Variants in LPL observed in about 807,000 individuals in gnomAD.
LPL encodes the protein lipoprotein lipase.
A neutral mutation model predicts 52.2 loss-of-function variants in LPL; 43 were observed. That is an observed-to-expected ratio of 0.82 (90% CI 0.64 to 1.06). LPL has a LOEUF of 1.06. LPL is among the 50% of genes least tolerant of loss of function. LPL has a pLI of 0.00. For missense variants in LPL, 639 were observed against 585.3 expected, an observed-to-expected ratio of 1.09 and a Z score of -0.95; for synonymous variants, 244 against 215.6, an observed-to-expected ratio of 1.13 and a Z score of -1.15.
intron 1 of LPL, among the ~76,000 whole-genome samples, chr8:19,940,940 CAAA>C: frequency 6.6e-6 from 1 of 151,574 alleles, no homozygotes; most frequent in Admixed American, 6.6e-5. Context: ...AAAAAAAATA[CAAA>C]AATTAGCCGG....
chr8:19,941,309 C>T (rs1047925641), intron 1 of LPL, among the ~76,000 whole-genome samples: 1 of 152,206 alleles, frequency 6.6e-6, no homozygotes, highest in Non-Finnish European at 1.5e-5. Context: ...ATTCTTATTT[C>T]AGAAAGCACA....
At chr8:19,963,884 T>C (rs1213468194) in intron 9 of LPL, among the ~76,000 whole-genome samples, 2 of 152,186 alleles carry the variant, frequency 1.3e-5, no homozygotes, top group Non-Finnish European at 2.9e-5. Flanking sequence ...TCATCACAAA[T>C]CTGAGGCAAT....
chr8:19,948,039 C>T, intron 1 of LPL, 141 bp from the exon 2 acceptor site: 1 of 802,954 alleles, frequency 1.2e-6, no homozygotes, highest in Non-Finnish European at 2.1e-6. Flanking sequence ...TGTTCTCTTG[C>T]AATCCACATT....
Position 19,954,279 on chromosome 8 carries a change from C to A in LPL, c.701C>A (p.Pro234Gln). The part of the protein sequence containing the change: ...QKPVGHVDIY[P>Q]NGGTFQPGCN... ...CCAGTTGGGCATGTTGACATTTACC[C>A]GAATGGAGGTACTTTTCAGCCAGGA... The change falls in exon 5 of 10, where the codon CCG becomes CAG. Residue 234 changes from proline (P) to glutamine (Q), a missense_variant. By Grantham distance (76) the Pro-to-Gln change is moderately conservative (BLOSUM62 -1). Coordinates refer to ENST00000650287, the MANE Select transcript of LPL (RefSeq NM_000237.3). 1 of 1,614,092 alleles carries A rather than the reference C, an allele frequency of 6.2e-7. No individual in the cohort carries two copies. The highest frequency in any genetic ancestry group is 8.5e-7 in the Non-Finnish European group (1 of 1,180,024).
At chr8:19,941,448 T>G (rs1190185967) in intron 1 of LPL, among the ~76,000 whole-genome samples, 1 of 152,210 alleles carries the variant, frequency 6.6e-6, no homozygotes, top group African/African-American at 2.4e-5. Context: ...TCTCTGGGTT[T>G]AGGTTCCTCA....
In LPL at chr8:19,950,618, G is replaced by A. The variant is rs1426112467; in HGVS notation, c.250-1151G>A. ...AGTTTGAGACCAACCTGGCCAACAT[G>A]GGGAAACCCAATCTCTACTAAAAAA... On this transcript the variant is annotated intron_variant, in intron 2 of 9. Transcript: ENST00000650287. This position sits in a 1 kb window ranked among gnomAD's most constrained non-coding sequence, Gnocchi z 4.2. Among the ~76,000 whole-genome samples the A allele has an allele frequency of 1.3e-5, 2 of 152,108 alleles. No individual in the cohort carries two copies. Among genetic ancestry groups the A allele is most frequent in the African/African-American group, 4.8e-5 (2 of 41,414 alleles).
rs2069919631 is a variant in LPL at position 19,950,052 on chromosome 8, C to T, written c.249+1712C>T. 6.6e-6 allele frequency among the ~76,000 whole-genome samples: 1 copy of T among 152,192 alleles called. No homozygotes were observed. Among genetic ancestry groups the T allele is most frequent in the African/African-American group, 2.4e-5 (1 of 41,448 alleles). On this transcript the variant is annotated intron_variant, in intron 2 of 9. Transcript: ENST00000650287. This position sits in a 1 kb window ranked among gnomAD's most constrained non-coding sequence, Gnocchi z 4.2. ...GGTCCTACTGCCTCACTAAGCCCAC[C>T]TGTATCTTTCACATCATGTGTCCTG...
At position 19,939,722 on chromosome 8, in the gene LPL, C is replaced by A. The variant is rs539069187; in HGVS notation, c.88+194C>A. Reference sequence around the variant, plus strand: ...GGCCGGGAGGGAATCTCCTCCCGATCGTGAAGCGGCGGCGCCCAGTTCCCG... The same window carrying A: ...GGCCGGGAGGGAATCTCCTCCCGATAGTGAAGCGGCGGCGCCCAGTTCCCG... On this transcript the variant is annotated intron_variant, in intron 1 of 9. Coordinates refer to ENST00000650287, the MANE Select transcript of LPL (RefSeq NM_000237.3). The surrounding 1 kb of genome is among the most constrained non-coding windows in gnomAD (Gnocchi z 4.0). 1.3e-3 allele frequency among the ~76,000 whole-genome samples: 197 copies of A among 152,318 alleles called. 2 individuals are homozygous for A. The highest frequency in any genetic ancestry group is 2.0e-3 in the Admixed American group (30 of 15,310).
In LPL at chr8:19,954,290, A is replaced by T; in HGVS notation, c.712A>T (p.Thr238Ser). ...GHVDIYPNGG[T>S]FQPGCNIGEA... The stretch of plus-strand genomic sequence containing the variant: ...TGTTGACATTTACCCGAATGGAGGT[A>T]CTTTTCAGCCAGGATGTAACATTGG... The change falls in exon 5 of 10, where the codon ACT (threonine) becomes TCT (serine). Residue 238 changes from threonine (T) to serine (S), a missense_variant. By Grantham distance (58) the Thr-to-Ser change is moderately conservative. Transcript: ENST00000650287. The T allele has an allele frequency of 9.9e-6, 16 of 1,614,212 alleles. No homozygotes were observed. The highest frequency in any genetic ancestry group is 7.7e-5 in the South Asian group (7 of 91,088).
intron 7 of LPL, among the ~76,000 whole-genome samples, chr8:19,960,084 C>T (rs2070024354): frequency 6.6e-6 from 1 of 151,926 alleles, no homozygotes; most frequent in Non-Finnish European, 1.5e-5. Flanking sequence ...CCACCATGCC[C>T]AGCCTACCCT....
rs1243131448 is a variant in LPL, at chr8:19,950,996, T to G, written c.250-773T>G. Among the ~76,000 whole-genome samples the G allele has an allele frequency of 6.6e-6, 1 of 151,666 alleles. No homozygotes were observed. The highest frequency in any genetic ancestry group is 2.4e-5 in the African/African-American group (1 of 41,118). On this transcript the variant is annotated intron_variant, in intron 2 of 9. Coordinates refer to ENST00000650287, the MANE Select transcript of LPL (RefSeq NM_000237.3). This position sits in a 1 kb window ranked among gnomAD's most constrained non-coding sequence, Gnocchi z 4.2. ...GAAACACTGGTAGTACAGAAAAACT[T>G]CTGATAGAGGCCTAGAGTAAACCCG...
At chr8:19,948,119 T>C in intron 1 of LPL, 61 bp from the exon 2 acceptor site, 3 of 1,547,004 alleles carry the variant, frequency 1.9e-6, no homozygotes, top group Non-Finnish European at 2.7e-6. Flanking sequence ...AAACATATCA[T>C]TCCAATGAAT....
chr8:19,961,110 A>T (rs1158629245), intron 8 of LPL, 27 bp downstream of exon 8: 1 of 1,606,414 alleles, frequency 6.2e-7, no homozygotes, highest in Non-Finnish European at 8.5e-7. Flanking sequence ...TTCTTCCTTC[A>T]CTTTAGACCC....
intron 6 of LPL, among the ~76,000 whole-genome samples, chr8:19,956,871 T>C (rs2069990670): frequency 6.6e-6 from 1 of 152,202 alleles, no homozygotes; most frequent in Non-Finnish European, 1.5e-5. Flanking sequence ...TCTCCTAGGC[T>C]GGAGGAGAGG....
At position 19,939,457 on chromosome 8, in the gene LPL, T is replaced by G. The variant is rs2069809872; in HGVS notation, c.17T>G (p.Leu6Arg). The G allele has an allele frequency of 1.2e-6, 2 of 1,610,286 alleles. No individual in the cohort carries two copies. The highest frequency in any genetic ancestry group is 2.2e-5 in the South Asian group (2 of 90,582). Residue 6 changes from leucine (L) to arginine (R), a missense_variant, in exon 1 of 10, where the codon CTG becomes CGG. By Grantham distance (102) the Leu-to-Arg change is moderately radical. Transcript: ENST00000650287. This position sits in a 1 kb window ranked among gnomAD's most constrained non-coding sequence, Gnocchi z 4.0. MESKA[L>R]LVLTLAVWLQ... ...CGCCCCGAGATGGAGAGCAAAGCCC[T>G]GCTCGTGCTGACTCTGGCCGTGTGG...
At chr8:19,956,168 T>C in intron 6 of LPL, 85 bp downstream of exon 6, 2 of 1,569,684 alleles carry the variant, frequency 1.3e-6, no homozygotes, top group South Asian at 1.1e-5. Context: ...ATTCTGTCCA[T>C]TGGAACAGAG....
In LPL at chr8:19,959,309, C is replaced by T. The variant is rs762600662; in HGVS notation, c.1068C>T (p.Thr356=). Residue 356 remains threonine, a synonymous_variant, in exon 7 of 10, where the codon ACC becomes ACT. Transcript: ENST00000650287. Reference sequence around the variant, plus strand: ...ATTTTTCTGGGACTGAGAGTGAAACCCATACCAATCAGGCCTTTGAGATTT... The same window carrying T: ...ATTTTTCTGGGACTGAGAGTGAAACTCATACCAATCAGGCCTTTGAGATTT... ...KIHFSGTESE[T]HTNQAFEISL... is the part of the protein sequence containing the mutation. The T allele has an allele frequency of 1.9e-6, 3 of 1,613,942 alleles. No individual in the cohort carries two copies. In the Admixed American group the frequency reaches 5.0e-5, roughly 27 times the overall value.
intron 1 of LPL, among the ~76,000 whole-genome samples, chr8:19,945,865 A>T (rs1252700421): frequency 1.3e-5 from 2 of 152,230 alleles, no homozygotes; most frequent in Non-Finnish European, 2.9e-5. Flanking sequence ...TCTCTGCTTT[A>T]AAAAGATTGA....
rs2069964215 is a variant in LPL at position 19,954,350 on chromosome 8, G to A, written c.772G>A (p.Gly258Arg). 2.5e-6 allele frequency: 4 copies of A among 1,612,870 alleles called. No individual in the cohort carries two copies. The highest frequency in any genetic ancestry group is 2.2e-5 in the South Asian group (2 of 91,058). The change falls in exon 5 of 10, where the codon GGA (glycine) becomes AGA (arginine). Residue 258 changes from glycine (G) to arginine (R), a missense_variant. Transcript: ENST00000650287. The stretch of plus-strand genomic sequence containing the variant: ...CCGCGTGATTGCAGAGAGAGGACTT[G>A]GAGGTAAATATTATTTAGAAGCGAA... Reference protein sequence around the residue: ...AIRVIAERGLGDVDQLVKCSH... With the variant: ...AIRVIAERGLRDVDQLVKCSH...
Sources: allele counts gnomAD v4.1 joint callset (sites outside exome capture counted in the v4.1 genomes callset), GRCh38; gene constraint gnomAD v4.1.1; non-coding constraint Gnocchi (gnomAD v3.1); transcripts MANE v1.5; gene names NCBI Gene and HGNC (gene_info 2026-07-23, HGNC 2026-07-21).